The following CFAP58 variants were observed in gnomAD, a reference collection of about 807,000 sequenced individuals.
CFAP58 encodes cilia- and flagella-associated protein 58.
CFAP58 carries 88 observed loss-of-function variants against 119.5 expected under a neutral mutation model. The ratio of observed to expected loss-of-function variants is 0.74; its 90% CI spans 0.62 to 0.88. CFAP58 has a LOEUF of 0.88. Ranked by LOEUF, CFAP58 falls within the 40% of genes least tolerant of loss-of-function variation. CFAP58 has a pLI of 0.00. For missense variants in CFAP58, 990 were observed against 1,021.2 expected, an observed-to-expected ratio of 0.97 and a Z score of 0.42; for synonymous variants, 365 against 366.3, an observed-to-expected ratio of 1.00 and a Z score of 0.04.
chr10:104,438,080 A>T (rs2012963309), intron 15 of CFAP58, among the ~76,000 whole-genome samples: 1 of 152,228 alleles, frequency 6.6e-6, no homozygotes, highest in African/African-American at 2.4e-5. Flanking sequence ...GGAACATTTG[A>T]TGGGACATAT....
At chr10:104,342,666 CAAAAAA>C in the CFAP58 span, among the ~76,000 whole-genome samples, 3 of 90,542 alleles carry the variant, frequency 3.3e-5, no homozygotes, top group African/African-American at 1.2e-4. Context: ...CCCGTCTATA[CAAAAAA>C]AAAAAAAAAA....
In CFAP58 at chr10:104,399,514, T is replaced by C. The variant is rs757761264; in HGVS notation, c.1815+14T>C. ...GAATTAGACCAGGTAGAGCATCTCCTTGTCAGACTTGCAGACCTTGTCAAC... is the reference window on the plus strand; with the variant it reads ...GAATTAGACCAGGTAGAGCATCTCCCTGTCAGACTTGCAGACCTTGTCAAC... On this transcript the variant is annotated intron_variant, in intron 12 of 17. Transcript: ENST00000369704. 3.1e-6 allele frequency: 5 copies of C among 1,611,960 alleles called. No individual in the cohort carries two copies. Among genetic ancestry groups the C allele is most frequent in the Non-Finnish European group, 4.2e-6 (5 of 1,178,860 alleles).
chr10:104,342,856 A>AAAAG, the CFAP58 span, among the ~76,000 whole-genome samples: 1 of 150,440 alleles, frequency 6.6e-6, no homozygotes, highest in African/African-American at 2.4e-5. Flanking sequence ...AAAAAAAAAA[A>AAAAG]AAAAAAAAAA....
rs145343260 is a variant in CFAP58 at position 104,354,910 on chromosome 10, C to T, written c.9+1004C>T. 2.5e-3 allele frequency among the ~76,000 whole-genome samples: 388 copies of T among 152,274 alleles called. 1 individual carries two copies. The highest frequency in any genetic ancestry group is 9.0e-3 in the African/African-American group (375 of 41,540). ...CCATCGTGCTCCACCCCCTCCCCAC[C>T]CCATTCTAGTTACTCTCTTGCTTCC... On this transcript the variant is annotated intron_variant, in intron 1 of 17. Coordinates refer to ENST00000369704, the MANE Select transcript of CFAP58 (RefSeq NM_001008723.2).
Position 104,386,154 on chromosome 10 carries a change from G to T in CFAP58, c.1365+5934G>T, listed in dbSNP as rs550010263. Among the ~76,000 whole-genome samples, 17 of 151,324 alleles carry T rather than the reference G, an allele frequency of 1.1e-4. No individual in the cohort carries two copies. The Middle Eastern group carries it at 0.027, about 244-fold the overall frequency. On this transcript the variant is annotated intron_variant, in intron 9 of 17. Coordinates refer to ENST00000369704, the MANE Select transcript of CFAP58 (RefSeq NM_001008723.2). The stretch of plus-strand genomic sequence containing the variant: ...GCACTTTGGGAGGCCAAGGTGGGTG[G>T]ATCACCTGAGGTCAGGAGTTCAAGT...
chr10:104,380,059 A>T lies in CFAP58; in HGVS notation c.1204A>T (p.Lys402Ter). The change falls in exon 9 of 18, where the codon AAG becomes TAG. Residue 402 changes from lysine (K) to a stop codon, truncating the protein, a stop_gained. Transcript: ENST00000369704. LOFTEE classifies it high-confidence loss of function. ...NMLKAVNATQ[K>*]QTDLVKLHEQ... ...GCTTAAGGCGGTCAATGCGACCCAGAAGCAGACAGACTTGGTAAAGCTCCA... is the reference window on the plus strand; with the variant it reads ...GCTTAAGGCGGTCAATGCGACCCAGTAGCAGACAGACTTGGTAAAGCTCCA... The T allele has an allele frequency of 1.1e-5, 17 of 1,614,080 alleles. No individual in the cohort carries two copies. The highest frequency in any genetic ancestry group is 1.4e-5 in the Non-Finnish European group (17 of 1,179,988).
At chr10:104,447,605 C>T in intron 15 of CFAP58, 93 bp from the exon 16 acceptor site, 1 of 1,495,250 alleles carries the variant, frequency 6.7e-7, no homozygotes, top group Non-Finnish European at 9.1e-7. Flanking sequence ...GTAGCTTGGG[C>T]CACTCCCAAA....
chr10:104,450,028 G>A (rs1340057043), intron 16 of CFAP58, 43 bp from the exon 17 acceptor site: 3 of 1,565,352 alleles, frequency 1.9e-6, no homozygotes, highest in Non-Finnish European at 2.6e-6. Flanking sequence ...CTCAGAAAAG[G>A]ATATTGTATC....
At chr10:104,446,668 A>G (rs897978082) in intron 15 of CFAP58, among the ~76,000 whole-genome samples, 14 of 152,246 alleles carry the variant, frequency 9.2e-5, no homozygotes, top group Admixed American at 9.2e-4. Flanking sequence ...GTGTACAGAG[A>G]CTGATGAGTA....
At chr10:104,357,808 T>TACATGTACACATATACACAC (rs1230531129) in intron 1 of CFAP58, among the ~76,000 whole-genome samples, 1 of 137,286 alleles carries the variant, frequency 7.3e-6, no homozygotes, top group African/African-American at 3.4e-5. Flanking sequence ...TATACACACA[T>TACATGTACACATATACACAC]ATATATGTAC....
chr10:104,343,186 C>T, the CFAP58 span, among the ~76,000 whole-genome samples: 4 of 152,212 alleles, frequency 2.6e-5, no homozygotes, highest in Admixed American at 2.0e-4. Context: ...TTTCACAGAA[C>T]AGGCTGCTTT....
chr10:104,406,174 T>A (rs1193267712), intron 14 of CFAP58, among the ~76,000 whole-genome samples: 2 of 152,184 alleles, frequency 1.3e-5, no homozygotes, highest in African/African-American at 4.8e-5. Flanking sequence ...AGCATAGGAA[T>A]TGAGAACTAT....
At chr10:104,342,680 AAAAAAAAT>A in the CFAP58 span, among the ~76,000 whole-genome samples, 3 of 128,484 alleles carry the variant, frequency 2.3e-5, no homozygotes, top group Non-Finnish European at 3.5e-5. Context: ...AAAAAAAAAA[AAAAAAAAT>A]ACAAAAATTA....
At chr10:104,386,062 C>CA (rs1491458938) in intron 9 of CFAP58, among the ~76,000 whole-genome samples, 2 of 140,498 alleles carry the variant, frequency 1.4e-5, no homozygotes, top group Non-Finnish European at 3.1e-5. Context: ...TCCTTTTTTG[C>CA]TTTTTTTTTT....
intron 1 of CFAP58, among the ~76,000 whole-genome samples, chr10:104,355,247 A>G (rs2014528457): frequency 6.6e-6 from 1 of 151,816 alleles, no homozygotes. Context: ...TTCTCCCACC[A>G]GTCATCTTTG....
At chr10:104,433,813 G>A (rs1161273096) in intron 15 of CFAP58, among the ~76,000 whole-genome samples, 1 of 152,216 alleles carries the variant, frequency 6.6e-6, no homozygotes, top group Admixed American at 6.5e-5. Context: ...AGATTTTGCT[G>A]AGTGGGCTTT....
chr10:104,415,315 G>A (rs887941880), intron 15 of CFAP58, among the ~76,000 whole-genome samples: 1 of 152,186 alleles, frequency 6.6e-6, no homozygotes, highest in Non-Finnish European at 1.5e-5. Flanking sequence ...GGGAGGGAGC[G>A]GGTCATCCCA....
chr10:104,408,985 C>T (rs2012413739), intron 15 of CFAP58, among the ~76,000 whole-genome samples: 1 of 151,986 alleles, frequency 6.6e-6, no homozygotes, highest in Non-Finnish European at 1.5e-5. Context: ...GTTTAGTCCC[C>T]ACTACTCAGG....
intron 2 of CFAP58, among the ~76,000 whole-genome samples, chr10:104,361,247 A>G (rs910919509): frequency 1.3e-5 from 2 of 152,246 alleles, no homozygotes; most frequent in Admixed American, 6.5e-5. Context: ...TAAGGAAGCC[A>G]AAGCTGCATG....
Sources: allele counts gnomAD v4.1 joint callset (sites outside exome capture counted in the v4.1 genomes callset), GRCh38; gene constraint gnomAD v4.1.1; transcripts MANE v1.5; gene names NCBI Gene and HGNC (gene_info 2026-07-23, HGNC 2026-07-21).